The following TMCC3 variants were observed in gnomAD, a reference collection of about 807,000 sequenced individuals.
The protein encoded by TMCC3 is transmembrane and coiled-coil domain protein 3.
TMCC3 carries 28 observed loss-of-function variants against 40.2 expected under a neutral mutation model. The ratio of observed to expected loss-of-function variants is 0.70; its 90% CI spans 0.52 to 0.95. TMCC3 has a LOEUF of 0.95. Ranked by LOEUF, TMCC3 falls within the 40% of genes least tolerant of loss-of-function variation. The pLI is 0.00. For missense variants in TMCC3, 554 were observed against 615.2 expected (o/e 0.90, Z 1.05); for synonymous variants, 255 against 248.5 (o/e 1.03, Z -0.25).
chr12:94,599,614 C>T (rs2068740786), intron 1 of TMCC3, among the ~76,000 whole-genome samples: 1 of 147,492 alleles, frequency 6.8e-6, no homozygotes, highest in Non-Finnish European at 1.5e-5. Flanking sequence ...CAGAGTCTTA[C>T]CTAGTATTTA....
chr12:94,638,517 T>C (rs1431688577), intron 1 of TMCC3, among the ~76,000 whole-genome samples: 1 of 152,240 alleles, frequency 6.6e-6, no homozygotes, highest in African/African-American at 2.4e-5. Context: ...AGCAGCACAC[T>C]CTTCCTTGTA....
intron 1 of TMCC3, among the ~76,000 whole-genome samples, chr12:94,597,290 G>A (rs2068723581): frequency 6.6e-6 from 1 of 151,404 alleles, no homozygotes; most frequent in Admixed American, 6.6e-5. Flanking sequence ...ACTCCAGCCT[G>A]GGCGACAAAG....
At chr12:94,614,757 ACAGAT>A (rs1265270464) in intron 1 of TMCC3, among the ~76,000 whole-genome samples, 1 of 148,936 alleles carries the variant, frequency 6.7e-6, no homozygotes, top group African/African-American at 2.5e-5. Context: ...TAAACAACAG[ACAGAT>A]TTTTTTTTTT....
intron 1 of TMCC3, chr12:94,610,015 C>T (rs2068806059): frequency 6.6e-6 from 1 of 152,204 alleles, no homozygotes. Context: ...ACATTTTCGG[C>T]CTCCACTCCA....
At chr12:94,624,311 C>G (rs1448071523) in intron 1 of TMCC3, among the ~76,000 whole-genome samples, 1 of 152,164 alleles carries the variant, frequency 6.6e-6, no homozygotes, top group Non-Finnish European at 1.5e-5. Flanking sequence ...AACATATACC[C>G]CCACAAAAAC....
At chr12:94,642,549 C>T (rs557850490) in intron 1 of TMCC3, among the ~76,000 whole-genome samples, 1 of 152,204 alleles carries the variant, frequency 6.6e-6, no homozygotes, top group South Asian at 2.1e-4. Flanking sequence ...TACAATCAGC[C>T]ATTTAAAATG....
Position 94,605,436 on chromosome 12 carries a change from G to A in TMCC3, c.79-22898C>T, listed in dbSNP as rs578250216. ...ATCTGTGTAATTGGTCATGACATGC[G>A]TATACACTTGTTGCATACCAACATT... On this transcript the variant is annotated intron_variant, in intron 1 of 3. Coordinates refer to ENST00000261226, the MANE Select transcript of TMCC3 (RefSeq NM_020698.4). 3.4e-4 allele frequency among the ~76,000 whole-genome samples: 52 copies of A among 152,214 alleles called. 1 individual carries two copies. Among genetic ancestry groups the A allele is most frequent in the Admixed American group, 2.1e-3 (32 of 15,280 alleles).
intron 1 of TMCC3, among the ~76,000 whole-genome samples, chr12:94,648,912 A>G (rs1342737546): frequency 6.6e-6 from 1 of 152,238 alleles, no homozygotes; most frequent in Non-Finnish European, 1.5e-5. Context: ...AATGCATTCG[A>G]AGATGATCTC....
intron 2 of TMCC3, among the ~76,000 whole-genome samples, chr12:94,581,010 T>C (rs2068597473): frequency 6.6e-6 from 1 of 152,212 alleles, no homozygotes. Context: ...CCACAAATTA[T>C]AAACTTAGAA....
At position 94,590,807 on chromosome 12, in the gene TMCC3, G is replaced by A. The variant is rs2068669448; in HGVS notation, c.79-8269C>T. On this transcript the variant is annotated intron_variant, in intron 1 of 3. Transcript: ENST00000261226. Reference sequence around the variant, plus strand: ...GTTCTCAGGAGAGGCGGGAGACGGCGCAGGGTCTGAAACATGGGGGACGAT... The same window carrying A: ...GTTCTCAGGAGAGGCGGGAGACGGCACAGGGTCTGAAACATGGGGGACGAT... 12 of 473,286 alleles carry A rather than the reference G, an allele frequency of 2.5e-5. 1 individual carries two copies. The highest frequency in any genetic ancestry group is 7.4e-5 in the South Asian group (4 of 54,222). The allele number at this position is 473,286 out of a possible 1,614,324, so 29.3% of individuals were successfully genotyped here.
At chr12:94,619,083 T>C (rs2068862208) in intron 1 of TMCC3, among the ~76,000 whole-genome samples, 1 of 152,196 alleles carries the variant, frequency 6.6e-6, no homozygotes, top group Admixed American at 6.5e-5. Flanking sequence ...TGAGACGTAA[T>C]CCTTTCCCTT....
At chr12:94,631,327 C>T (rs1280507510) in intron 1 of TMCC3, among the ~76,000 whole-genome samples, 1 of 152,156 alleles carries the variant, frequency 6.6e-6, no homozygotes, top group Non-Finnish European at 1.5e-5. Context: ...TCCTAACCCC[C>T]ACTACCTCAC....
At chr12:94,589,065 C>T (rs1323853294) in intron 1 of TMCC3, among the ~76,000 whole-genome samples, 4 of 152,050 alleles carry the variant, frequency 2.6e-5, no homozygotes, top group East Asian at 1.9e-4. Context: ...TCAGGTGATC[C>T]GCCCACATCG....
At chr12:94,648,779 C>T (rs1350280363) in intron 1 of TMCC3, among the ~76,000 whole-genome samples, 2 of 152,204 alleles carry the variant, frequency 1.3e-5, no homozygotes, top group East Asian at 1.9e-4. Context: ...TGACAATGAG[C>T]CATCCATCCC....
chr12:94,605,332 A>T (rs1048313086), intron 1 of TMCC3, among the ~76,000 whole-genome samples: 1 of 152,246 alleles, frequency 6.6e-6, no homozygotes, highest in African/African-American at 2.4e-5. Flanking sequence ...TTAATTTTTT[A>T]AAAATACAGC....
At chr12:94,588,381 G>A (rs760729062) in intron 1 of TMCC3, among the ~76,000 whole-genome samples, 2 of 152,196 alleles carry the variant, frequency 1.3e-5, no homozygotes, top group African/African-American at 4.8e-5. Flanking sequence ...CTGAGGTTCT[G>A]GAGGCCACAG....
At chr12:94,619,730 A>G (rs367952010) in intron 1 of TMCC3, among the ~76,000 whole-genome samples, 26 of 152,376 alleles carry the variant, frequency 1.7e-4, no homozygotes, top group African/African-American at 5.8e-4. Context: ...AGTTTTCAAT[A>G]CAGTATTACA....
intron 3 of TMCC3, among the ~76,000 whole-genome samples, chr12:94,573,921 CAA>C (rs1487325786): frequency 1.3e-5 from 2 of 152,166 alleles, no homozygotes; most frequent in Non-Finnish European, 2.9e-5. Context: ...GAGATGAGAT[CAA>C]GTCTCCCTTC....
chr12:94,589,284 G>A (rs985512420), intron 1 of TMCC3, among the ~76,000 whole-genome samples: 1 of 152,164 alleles, frequency 6.6e-6, no homozygotes, highest in Non-Finnish European at 1.5e-5. Context: ...CACCCAGAAT[G>A]TGCTAGGCTT....
Sources: gnomAD v4.1 joint callset for allele counts (sites outside exome capture counted in the v4.1 genomes callset) on GRCh38, gnomAD v4.1.1 for gene constraint, MANE v1.5 for transcripts, NCBI Gene and HGNC (gene_info 2026-07-23, HGNC 2026-07-21) for gene names.